Variants in TBX3 observed in about 807,000 individuals in gnomAD.
TBX3 encodes the protein T-box transcription factor TBX3.
In TBX3, 11 loss-of-function variants were observed where a neutral mutation model predicts 47.8. That is an observed-to-expected ratio of 0.23 (90% CI 0.14 to 0.38). The LOEUF (loss-of-function observed/expected upper bound fraction) is 0.38. TBX3 is among the 10% of genes least tolerant of loss of function. TBX3 has a pLI of 1.00. For synonymous variants in TBX3, 500 were observed against 449.3 expected (o/e 1.11, Z -1.43); for missense variants, 927 against 1,022.8 (o/e 0.91, Z 1.28).
Position 114,674,317 on chromosome 12 carries a change from C to T in TBX3, c.1558G>A (p.Gly520Ser), listed in dbSNP as rs746391253. 5 of 1,574,150 alleles carry T rather than the reference C, an allele frequency of 3.2e-6. No individual in the cohort carries two copies. The Admixed American group carries it at 9.2e-5, about 29-fold the overall frequency. Reference protein sequence around the residue: ...AFSSMAAAGMGPLLATVSGAS... With the variant: ...AFSSMAAAGMSPLLATVSGAS... ...CCAGAAACCGTGGCCAGGAGGGGACCCATGCCAGCGGCCGCCATGCTGGAG... is the reference window on the plus strand; with the variant it reads ...CCAGAAACCGTGGCCAGGAGGGGACTCATGCCAGCGGCCGCCATGCTGGAG... The change falls in exon 6 of 7, where the codon GGT becomes AGT. Residue 520 changes from glycine (G) to serine (S), a missense_variant. Gly to Ser is a moderately conservative substitution (Grantham distance 56). Coordinates refer to ENST00000349155, the MANE Select transcript of TBX3 (RefSeq NM_005996.4).
intron 1 of TBX3, among the ~76,000 whole-genome samples, chr12:114,681,427 A>T (rs192532089): frequency 4.0e-5 from 6 of 150,076 alleles, no homozygotes; most frequent in African/African-American, 1.5e-4. Flanking sequence ...TTTCTTCAAT[A>T]TTTTTTTTGT....
At chr12:114,674,035 C>A (rs1868574534) in intron 6 of TBX3, 130 bp downstream of exon 6, 2 of 1,211,968 alleles carry the variant, frequency 1.7e-6, no homozygotes, top group Non-Finnish European at 1.2e-6. Flanking sequence ...AGCCTTGAAC[C>A]CGGTAATGGC....
chr12:114,680,461 C>A, intron 2 of TBX3: 1 of 307,574 alleles, frequency 3.3e-6, no homozygotes, highest in Non-Finnish European at 6.1e-6. Context: ...ACCATTTAAC[C>A]AACAGAGTCA....
In TBX3 at chr12:114,679,591, T is replaced by C. The variant is rs1868843313; in HGVS notation, c.718A>G (p.Ile240Val). The change falls in exon 3 of 7, where the codon ATC (isoleucine) becomes GTC (valine). Residue 240 changes from isoleucine to valine, a missense_variant. Coordinates refer to ENST00000349155, the MANE Select transcript of TBX3 (RefSeq NM_005996.4). ...AATGTACTATAAGGGAGTTTCAAGA[T>C]GTCATTGGCTCTTACAATGTGGAAC... is the stretch of plus-strand genomic sequence containing the variant. The part of the protein sequence containing the change: ...PRFHIVRAND[I>V]LKLPYSTFRT... 1.2e-6 allele frequency: 2 copies of C among 1,614,052 alleles called. No individual in the cohort carries two copies. The highest frequency in any genetic ancestry group is 1.3e-5 in the African/African-American group (1 of 74,914).
At chr12:114,677,751 G>A in intron 3 of TBX3, 95 bp from the exon 4 acceptor site, 1 of 1,155,914 alleles carries the variant, frequency 8.7e-7, no homozygotes, top group Non-Finnish European at 1.3e-6. Flanking sequence ...CTAGAGATGT[G>A]ACTGCCAACA....
Position 114,671,420 on chromosome 12 carries a change from A to ATT in TBX3, c.*419_*420dup. 4 of 273,344 alleles carry ATT rather than the reference A, an allele frequency of 1.5e-5. No individual in the cohort carries two copies. Among genetic ancestry groups the ATT allele is most frequent in the South Asian group, 8.8e-5 (1 of 11,300 alleles). The allele number at this position is 273,344 out of a possible 1,614,324, so 16.9% of individuals were successfully genotyped here. A position where few individuals can be genotyped will look rare whatever the true frequency, so the allele number is the denominator to read the frequency against. On this transcript the variant is annotated 3_prime_UTR_variant, in exon 7 of 7. Coordinates refer to ENST00000349155, the MANE Select transcript of TBX3 (RefSeq NM_005996.4). ...CATGTTAATGTGTTCACTTGTCCCGATTTTTTTTTTGAAAGATTTTGTTTT... is the reference window on the plus strand; with the variant it reads ...CATGTTAATGTGTTCACTTGTCCCGATTTTTTTTTTTTGAAAGATTTTGTTTT...
chr12:114,680,330 C>G (rs569304439), intron 2 of TBX3: 2 of 330,812 alleles, frequency 6.0e-6, no homozygotes, highest in Non-Finnish European at 1.1e-5. Flanking sequence ...TCCATATATA[C>G]ACTCCCAACA....
At chr12:114,674,904 G>T in intron 5 of TBX3, 69 bp from the exon 6 acceptor site, 8 of 1,532,384 alleles carry the variant, frequency 5.2e-6, no homozygotes, top group Non-Finnish European at 6.1e-6. Context: ...CGGAACTCCA[G>T]TTCCCAAGTT....
chr12:114,683,407 G>T lies in TBX3; in HGVS notation c.-207C>A. On this transcript the variant is annotated 5_prime_UTR_variant, in exon 1 of 7. Coordinates refer to ENST00000349155, the MANE Select transcript of TBX3 (RefSeq NM_005996.4). The surrounding 1 kb of genome is among the most constrained non-coding windows in gnomAD (Gnocchi z 7.7). ...GGGAAGTGTCTTTTGGAGAATGGGA[G>T]GCCGCTTTTAAAGAGGGCAAGGCGA... 1 of 679,712 alleles carries T rather than the reference G, an allele frequency of 1.5e-6. No homozygotes were observed. The allele number at this position is 679,712 out of a possible 1,614,324, so 42.1% of individuals were successfully genotyped here. A position where few individuals can be genotyped will look rare whatever the true frequency, so the allele number is the denominator to read the frequency against.
chr12:114,672,038 C>A lies in TBX3; in HGVS notation c.1975G>T (p.Ala659Ser), dbSNP rs751621934. ...TCCACTGCCACCGAGGCCGGGCTGG[C>A]GGCCAGGGCGGCGACTTTGCCGTCC... ...PLDGKVAALA[A>S]SPASVAVDSG... is the part of the protein sequence containing the mutation. Residue 659 changes from alanine (A) to serine (S), a missense_variant, in exon 7 of 7, where the codon GCC becomes TCC. Around this residue, in one of 5 missense-constraint regions of TBX3, gnomAD observed 623 missense variants for 569.0 expected, o/e 1.09. Transcript: ENST00000349155. 3 of 1,580,164 alleles carry A rather than the reference C, an allele frequency of 1.9e-6. No homozygotes were observed. The East Asian group carries it at 7.0e-5, about 37-fold the overall frequency.
chr12:114,679,438 G>T, intron 3 of TBX3, 67 bp downstream of exon 3: 1 of 1,601,782 alleles, frequency 6.2e-7, no homozygotes, highest in South Asian at 1.1e-5. Flanking sequence ...TTCTCATCCT[G>T]ACTTAAAGCA....
chr12:114,680,364 T>C (rs1439332643), intron 2 of TBX3: 2 of 298,998 alleles, frequency 6.7e-6, no homozygotes, highest in African/African-American at 2.2e-5. Context: ...TTTCTGAAGA[T>C]CTAAGCCTCA....
In TBX3 at chr12:114,674,395, TGAA is replaced by T. The variant is rs2121382869; in HGVS notation, c.1477_1479del (p.Phe493del). Reference sequence around the variant, plus strand: ...GGGTGCAGGAAGAGCGGGTGCCCGTTGAAGAACTGTTGGCCCGCCAGGCCCGGG... The same window carrying T: ...GGGTGCAGGAAGAGCGGGTGCCCGTTGAACTGTTGGCCCGCCAGGCCCGGG... On this transcript the variant is annotated inframe_deletion, in exon 6 of 7. Coordinates refer to ENST00000349155, the MANE Select transcript of TBX3 (RefSeq NM_005996.4). 5.2e-6 allele frequency: 8 copies of T among 1,551,838 alleles called. No homozygotes were observed. The highest frequency in any genetic ancestry group is 7.0e-6 in the Non-Finnish European group (8 of 1,148,014).
Position 114,674,149 on chromosome 12 carries a change from G to A in TBX3, c.1710+16C>T. On this transcript the variant is annotated intron_variant, in intron 6 of 6. Transcript: ENST00000349155. Reference sequence around the variant, plus strand: ...AAGGTGGAAAGACTGGTGGAGGCAGGAAGAAGGATCCATACCTGAGAGGCC... The same window carrying A: ...AAGGTGGAAAGACTGGTGGAGGCAGAAAGAAGGATCCATACCTGAGAGGCC... 1.3e-6 allele frequency: 2 copies of A among 1,577,634 alleles called. No homozygotes were observed. Among genetic ancestry groups the A allele is most frequent in the Non-Finnish European group, 1.7e-6 (2 of 1,163,350 alleles).
At position 114,678,966 on chromosome 12, in the gene TBX3, A is replaced by ACACG. The variant is rs554669505; in HGVS notation, c.804+535_804+538dup. Among the ~76,000 whole-genome samples, 8 of 152,208 alleles carry ACACG rather than the reference A, an allele frequency of 5.3e-5. No individual in the cohort carries two copies. The East Asian group carries it at 1.5e-3, about 29-fold the overall frequency. On this transcript the variant is annotated intron_variant, in intron 3 of 6. Coordinates refer to ENST00000349155, the MANE Select transcript of TBX3 (RefSeq NM_005996.4). ...GTGATCAGGGTAGGTTTTTCCAACC[A>ACACG]CACGCATGCATGCACACACATGCAC...
chr12:114,681,124 C>T lies in TBX3; in HGVS notation c.412G>A (p.Val138Met). The T allele has an allele frequency of 1.2e-6, 2 of 1,613,886 alleles. No homozygotes were observed. Among genetic ancestry groups the T allele is most frequent in the Non-Finnish European group, 1.7e-6 (2 of 1,179,996 alleles). Reference protein sequence around the residue: ...SGRRMFPPFKVRCSGLDKKAK... With the variant: ...SGRRMFPPFKMRCSGLDKKAK... ...TTTTTATCCAGCCCAGAACATCTCA[C>T]TTTAAATGGAGGAAACATTCGCCTA... The change falls in exon 2 of 7, where the codon GTG (valine) becomes ATG (methionine). Residue 138 changes from valine (V) to methionine (M), a missense_variant. Coordinates refer to ENST00000349155, the MANE Select transcript of TBX3 (RefSeq NM_005996.4).
Position 114,683,104 on chromosome 12 carries a change from C to G in TBX3, c.97G>C (p.Val33Leu). 1 of 1,612,382 alleles carries G rather than the reference C, an allele frequency of 6.2e-7. No homozygotes were observed. The highest frequency in any genetic ancestry group is 8.5e-7 in the Non-Finnish European group (1 of 1,179,472). ...HRAPDFAMSA[V>L]LGHQPPFFPA... Reference sequence around the variant, plus strand: ...AAGAACGGCGGCTGGTGACCCAGCACCGCGCTCATGGCGAAGTCCGGCGCC... The same window carrying G: ...AAGAACGGCGGCTGGTGACCCAGCAGCGCGCTCATGGCGAAGTCCGGCGCC... Residue 33 changes from valine (V) to leucine (L), a missense_variant, in exon 1 of 7, where the codon GTG becomes CTG. By Grantham distance (32) the Val-to-Leu change is conservative. Transcript: ENST00000349155. This position sits in a 1 kb window ranked among gnomAD's most constrained non-coding sequence, Gnocchi z 7.7.
chr12:114,674,048 AG>A, intron 6 of TBX3, 116 bp downstream of exon 6: 2 of 1,310,414 alleles, frequency 1.5e-6, no homozygotes, highest in Non-Finnish European at 2.1e-6. Context: ...GTAATGGCTC[AG>A]TAAAAATTAT....
intron 4 of TBX3, 62 bp downstream of exon 4, chr12:114,677,518 G>C: frequency 6.6e-7 from 1 of 1,521,838 alleles, no homozygotes; most frequent in Non-Finnish European, 9.1e-7. Flanking sequence ...TAACACTTCA[G>C]AGTTGGATCC....
Sources: gnomAD v4.1 joint callset for allele counts (sites outside exome capture counted in the v4.1 genomes callset) on GRCh38, gnomAD v4.1.1 for gene constraint, gnomAD v4.1.1 regional missense constraint, Gnocchi (gnomAD v3.1) non-coding constraint, MANE v1.5 for transcripts, NCBI Gene and HGNC (gene_info 2026-07-23, HGNC 2026-07-21) for gene names.